Variants in PTPN14 observed in about 807,000 individuals in gnomAD.
The protein encoded by PTPN14 is protein tyrosine phosphatase non-receptor type 14.
Under a neutral mutation model 126.8 loss-of-function variants are expected in PTPN14, and 53 were observed. The ratio of observed to expected loss-of-function variants is 0.42; its 90% CI spans 0.34 to 0.53. The LOEUF is 0.53. PTPN14 is among the 20% of genes least tolerant of loss of function. The probability of loss-of-function intolerance (pLI) is 0.08; values close to 1 mark genes in which losing one functional copy is unlikely to be tolerated. For synonymous variants in PTPN14, 630 were observed against 599.3 expected, an observed-to-expected ratio of 1.05 and a Z score of -0.75; for missense variants, 1,257 against 1,552.9, an observed-to-expected ratio of 0.81 and a Z score of 3.20.
intron 1 of PTPN14, among the ~76,000 whole-genome samples, chr1:214,475,593 G>A (rs1660850181): frequency 6.6e-6 from 1 of 152,162 alleles, no homozygotes; most frequent in Admixed American, 6.5e-5. Flanking sequence ...TTTGCTGTCA[G>A]TATCTATATC....
intron 1 of PTPN14, among the ~76,000 whole-genome samples, chr1:214,491,498 G>A (rs1057233375): frequency 1.1e-4 from 17 of 152,212 alleles, no homozygotes; most frequent in African/African-American, 3.9e-4. Flanking sequence ...TCAGACATGA[G>A]TTAAATTCTC....
intron 1 of PTPN14, among the ~76,000 whole-genome samples, chr1:214,542,288 G>A (rs1330883328): frequency 2.0e-5 from 3 of 152,204 alleles, no homozygotes; most frequent in East Asian, 3.8e-4. Flanking sequence ...GCAGGAGAGC[G>A]AAAATATCAG....
At chr1:214,446,429 C>G (rs1488273859) in intron 3 of PTPN14, among the ~76,000 whole-genome samples, 3 of 152,092 alleles carry the variant, frequency 2.0e-5, no homozygotes, top group Non-Finnish European at 4.4e-5. Flanking sequence ...GGACTTGCCC[C>G]TCAAAAGCCA....
chr1:214,458,022 T>C (rs1457408837), intron 2 of PTPN14, among the ~76,000 whole-genome samples: 1 of 116,026 alleles, frequency 8.6e-6, no homozygotes, highest in Admixed American at 8.9e-5. Context: ...TCTATATCTA[T>C]ATCTATATCT....
At position 214,372,841 on chromosome 1, in the gene PTPN14, TA is replaced by T; in HGVS notation, c.2908-3del. ...CCATTCTGCCCCGCCAACCACCACC[TA>T]AAAACCAAGAAAAGTATCGGTAAAT... On this transcript the variant is annotated splice_polypyrimidine_tract_variant and splice_region_variant and intron_variant, in intron 15 of 18. Coordinates refer to ENST00000366956, the MANE Select transcript of PTPN14 (RefSeq NM_005401.5). 6.2e-7 allele frequency: 1 copy of T among 1,613,856 alleles called. No homozygotes were observed. The highest frequency in any genetic ancestry group is 8.5e-7 in the Non-Finnish European group (1 of 1,179,852).
chr1:214,514,044 C>T (rs1655041687), intron 1 of PTPN14, among the ~76,000 whole-genome samples: 1 of 152,082 alleles, frequency 6.6e-6, no homozygotes, highest in Non-Finnish European at 1.5e-5. Context: ...ATTCCTCCCC[C>T]TCCCTCAATT....
At chr1:214,513,764 G>A (rs1470403723) in intron 1 of PTPN14, among the ~76,000 whole-genome samples, 2 of 152,142 alleles carry the variant, frequency 1.3e-5, no homozygotes, top group Non-Finnish European at 2.9e-5. Flanking sequence ...CGGTAAAATG[G>A]GGGCAATAAT....
At chr1:214,514,535 G>C (rs1013797587) in intron 1 of PTPN14, among the ~76,000 whole-genome samples, 3 of 152,174 alleles carry the variant, frequency 2.0e-5, no homozygotes, top group African/African-American at 4.8e-5. Context: ...ATTGCCAACA[G>C]ATTCCCAGAC....
chr1:214,413,180 C>T (rs114371501), intron 4 of PTPN14, among the ~76,000 whole-genome samples: 2,649 of 152,148 alleles, frequency 0.017, 84 homozygotes, highest in African/African-American at 0.06. Context: ...CCCAGCCCAA[C>T]GAAAGCTTTT....
chr1:214,378,670 G>T (rs563294574), intron 13 of PTPN14, among the ~76,000 whole-genome samples: 2 of 152,150 alleles, frequency 1.3e-5, no homozygotes, highest in African/African-American at 4.8e-5. Context: ...ATACCTAAGG[G>T]TGTGTCATCC....
At chr1:214,430,549 A>G (rs959292761) in intron 3 of PTPN14, among the ~76,000 whole-genome samples, 1 of 152,198 alleles carries the variant, frequency 6.6e-6, no homozygotes, top group African/African-American at 2.4e-5. Context: ...AATCAGTTGA[A>G]GGTCTTACAG....
At chr1:214,480,092 G>C (rs955244016) in intron 1 of PTPN14, among the ~76,000 whole-genome samples, 1 of 152,078 alleles carries the variant, frequency 6.6e-6, no homozygotes, top group African/African-American at 2.4e-5. Context: ...TGACAACTTA[G>C]GTTGGTTCTA....
At chr1:214,526,123 G>A (rs1243407153) in intron 1 of PTPN14, among the ~76,000 whole-genome samples, 3 of 151,862 alleles carry the variant, frequency 2.0e-5, no homozygotes, top group East Asian at 1.9e-4. Context: ...ACACCACCAC[G>A]CCCAGCTAAT....
At chr1:214,439,667 T>C (rs115477527) in intron 3 of PTPN14, among the ~76,000 whole-genome samples, 2,274 of 152,316 alleles carry the variant, frequency 0.015, 58 homozygotes, top group African/African-American at 0.052. Context: ...ACGCCTCCTC[T>C]GCTTTTACAA....
chr1:214,455,436 G>A (rs1421687725), intron 2 of PTPN14, among the ~76,000 whole-genome samples: 2 of 152,122 alleles, frequency 1.3e-5, no homozygotes, highest in African/African-American at 4.8e-5. Context: ...TATATCTCAG[G>A]CACCAAAAGT....
intron 1 of PTPN14, chr1:214,532,945 G>A: frequency 2.5e-6 from 2 of 797,388 alleles, no homozygotes; most frequent in Admixed American, 3.4e-5. Context: ...GGCCCAATAT[G>A]ACAAGCTGGC....
intron 17 of PTPN14, among the ~76,000 whole-genome samples, chr1:214,366,224 G>C (rs1407586171): frequency 2.6e-5 from 4 of 152,140 alleles, no homozygotes; most frequent in Non-Finnish European, 5.9e-5. Flanking sequence ...GATGCATAGA[G>C]GGAGTAGTTA....
intron 1 of PTPN14, among the ~76,000 whole-genome samples, chr1:214,539,718 G>C (rs1655790934): frequency 6.6e-6 from 1 of 152,004 alleles, no homozygotes; most frequent in Non-Finnish European, 1.5e-5. Context: ...GGAGGGAAGA[G>C]AGGAGGAGGG....
chr1:214,357,782 T>A lies in PTPN14; in HGVS notation c.*140A>T. 1.6e-6 allele frequency: 1 copy of A among 612,266 alleles called. No individual in the cohort carries two copies. The highest frequency in any genetic ancestry group is 2.7e-5 in the East Asian group (1 of 36,620). 37.9% of individuals were successfully genotyped at this position (612,266 alleles called of 1,614,324 possible). On this transcript the variant is annotated 3_prime_UTR_variant, in exon 19 of 19. Coordinates refer to ENST00000366956, the MANE Select transcript of PTPN14 (RefSeq NM_005401.5). Reference sequence around the variant, plus strand: ...TAAAATAATACATGGTATGTGTGAATAATCTTGGCTACTGTCTTCAGAGAG... The same window carrying A: ...TAAAATAATACATGGTATGTGTGAAAAATCTTGGCTACTGTCTTCAGAGAG...
Sources: gnomAD v4.1 joint callset for allele counts (sites outside exome capture counted in the v4.1 genomes callset) on GRCh38, gnomAD v4.1.1 for gene constraint, MANE v1.5 for transcripts, NCBI Gene and HGNC (gene_info 2026-07-23, HGNC 2026-07-21) for gene names.